PHKB: variants seen among roughly 807,000 people sequenced by gnomAD.
PHKB encodes the protein phosphorylase kinase regulatory subunit beta.
Under a neutral mutation model 152.1 loss-of-function variants are expected in PHKB, and 122 were observed. The observed-to-expected ratio is 0.80, with a 90% CI of 0.69 to 0.93. PHKB has a LOEUF of 0.93. Among genes scored for constraint, PHKB ranks in the 40% least tolerant of loss-of-function variants. The pLI is 0.00. For synonymous variants in PHKB, 436 were observed against 464.9 expected (o/e 0.94, Z 0.80); for missense variants, 1,304 against 1,328.4 (o/e 0.98, Z 0.29).
chr16:47,466,812 T>C (rs1190021733), intron 1 of PHKB, among the ~76,000 whole-genome samples: 1 of 152,196 alleles, frequency 6.6e-6, no homozygotes, highest in Non-Finnish European at 1.5e-5. Flanking sequence ...AATCTAACCG[T>C]CAACTAATCA....
At chr16:47,585,148 A>G (rs777593448) in intron 8 of PHKB, among the ~76,000 whole-genome samples, 3 of 152,218 alleles carry the variant, frequency 2.0e-5, no homozygotes, top group Non-Finnish European at 4.4e-5. Context: ...GTAAAGTTTG[A>G]GCTGTCAGTC....
intron 13 of PHKB, among the ~76,000 whole-genome samples, chr16:47,599,409 G>A (rs1972181254): frequency 6.6e-6 from 1 of 152,088 alleles, no homozygotes; most frequent in East Asian, 1.9e-4. Context: ...AATTGACAAG[G>A]CTAGTGAATT....
At chr16:47,537,310 G>A (rs906857958) in intron 6 of PHKB, among the ~76,000 whole-genome samples, 1 of 152,206 alleles carries the variant, frequency 6.6e-6, no homozygotes, top group Non-Finnish European at 1.5e-5. Context: ...TGCTTAAGAG[G>A]TTGGCTTCAT....
intron 7 of PHKB, chr16:47,566,799 T>C (rs1971575926): frequency 2.6e-5 from 19 of 730,556 alleles, no homozygotes; most frequent in Non-Finnish European, 4.6e-5. Flanking sequence ...TTTGGAAACA[T>C]AAGTGCTTCC....
chr16:47,582,163 A>G (rs1264402500), intron 8 of PHKB, among the ~76,000 whole-genome samples: 1 of 152,164 alleles, frequency 6.6e-6, no homozygotes, highest in African/African-American at 2.4e-5. Context: ...TGACATACCA[A>G]ATACTGAGCT....
At position 47,461,441 on chromosome 16, in the gene PHKB, G is replaced by A. The variant is rs778126514; in HGVS notation, c.76+15G>A. 1 of 1,612,542 alleles carries A rather than the reference G, an allele frequency of 6.2e-7. No individual in the cohort carries two copies. Among genetic ancestry groups the A allele is most frequent in the African/African-American group, 1.3e-5 (1 of 75,040 alleles). The stretch of plus-strand genomic sequence containing the variant: ...CAAGCGCTCAGGTTTGGCTGGCTGG[G>A]GCGCCGCCCCCCACCCGAGTACCTT... On this transcript the variant is annotated intron_variant, in intron 1 of 30. Coordinates refer to ENST00000323584, the MANE Select transcript of PHKB (RefSeq NM_000293.3).
rs11863564 is a variant in PHKB, at chr16:47,479,450, T to C, written c.77-17949T>C. ...CACCCTCTCTTCTTCCCTCCCCTCT[T>C]CTCTCTCATTTTTTTTTTTTTCGCA... On this transcript the variant is annotated intron_variant, in intron 1 of 30. Coordinates refer to ENST00000323584, the MANE Select transcript of PHKB (RefSeq NM_000293.3). Among the ~76,000 whole-genome samples the C allele has an allele frequency of 7.4e-3, 1,128 of 151,726 alleles. 18 individuals are homozygous for C. Among genetic ancestry groups the C allele is most frequent in the African/African-American group, 0.026 (1,068 of 41,388 alleles).
chr16:47,638,007 G>T (rs1017594972), intron 14 of PHKB, among the ~76,000 whole-genome samples: 1 of 151,900 alleles, frequency 6.6e-6, no homozygotes, highest in Non-Finnish European at 1.5e-5. Flanking sequence ...TGAGGGTTCC[G>T]CCCTCATGAC....
intron 1 of PHKB, among the ~76,000 whole-genome samples, chr16:47,480,995 A>G (rs927438802): frequency 6.6e-6 from 1 of 152,164 alleles, no homozygotes; most frequent in Non-Finnish European, 1.5e-5. Flanking sequence ...TAGAAAGTAG[A>G]TTAATTTACA....
intron 7 of PHKB, among the ~76,000 whole-genome samples, chr16:47,549,126 C>T (rs1338514387): frequency 6.6e-6 from 1 of 152,102 alleles, no homozygotes; most frequent in African/African-American, 2.4e-5. Context: ...AAGCTCATTT[C>T]AGACATTAAA....
At chr16:47,684,679 A>C (rs994440081) in intron 26 of PHKB, among the ~76,000 whole-genome samples, 4 of 152,102 alleles carry the variant, frequency 2.6e-5, no homozygotes, top group Non-Finnish European at 5.9e-5. Flanking sequence ...AGGCAGGAGA[A>C]TGGCGTGAGC....
intron 1 of PHKB, among the ~76,000 whole-genome samples, chr16:47,483,038 T>G (rs944686655): frequency 7.2e-6 from 1 of 138,528 alleles, no homozygotes; most frequent in African/African-American, 2.7e-5. Flanking sequence ...TAATTTCTTT[T>G]TTTTTTTTTT....
intron 7 of PHKB, among the ~76,000 whole-genome samples, chr16:47,554,890 T>C (rs749702787): frequency 1.3e-5 from 2 of 152,114 alleles, no homozygotes; most frequent in Non-Finnish European, 2.9e-5. Flanking sequence ...GATACCTCAG[T>C]TGGAAATGCA....
At chr16:47,482,373 T>C (rs1381425077) in intron 1 of PHKB, among the ~76,000 whole-genome samples, 38 of 152,350 alleles carry the variant, frequency 2.5e-4, no homozygotes, top group Admixed American at 2.4e-3. Flanking sequence ...TTTATTCTGG[T>C]TTTTATTTAC....
At chr16:47,488,928 T>C (rs562458762) in intron 1 of PHKB, among the ~76,000 whole-genome samples, 1 of 152,352 alleles carries the variant, frequency 6.6e-6, no homozygotes, top group African/African-American at 2.4e-5. Context: ...GGCTATTGCC[T>C]CTCTTTTGGT....
chr16:47,666,155 C>T, intron 25 of PHKB: 1 of 740,800 alleles, frequency 1.3e-6, no homozygotes, highest in East Asian at 2.7e-5. Context: ...TTTATAAGGG[C>T]TCAGGCACTT....
At chr16:47,592,479 T>C (rs943985205) in intron 10 of PHKB, among the ~76,000 whole-genome samples, 1 of 152,250 alleles carries the variant, frequency 6.6e-6, no homozygotes, top group African/African-American at 2.4e-5. Flanking sequence ...CATCTGTGGT[T>C]TGTAACTGTT....
intron 6 of PHKB, among the ~76,000 whole-genome samples, chr16:47,541,363 A>G (rs936631564): frequency 3.3e-5 from 5 of 152,172 alleles, no homozygotes; most frequent in Non-Finnish European, 7.3e-5. Context: ...TCCATGGTGT[A>G]TATGTGCCAC....
chr16:47,480,548 GCAAA>G (rs1414035379), intron 1 of PHKB, among the ~76,000 whole-genome samples: 4 of 152,154 alleles, frequency 2.6e-5, no homozygotes, highest in South Asian at 2.1e-4. Context: ...AGAGGAAACA[GCAAA>G]CAGTCTTCAA....
Sources: allele counts gnomAD v4.1 joint callset (sites outside exome capture counted in the v4.1 genomes callset), GRCh38; gene constraint gnomAD v4.1.1; transcripts MANE v1.5; gene names NCBI Gene and HGNC (gene_info 2026-07-23, HGNC 2026-07-21).